The following GRM1 variants were observed in gnomAD, a reference collection of about 807,000 sequenced individuals.
The protein encoded by GRM1 is metabotropic glutamate receptor 1.
A neutral mutation model predicts 90.9 loss-of-function variants in GRM1; 33 were observed. That is an observed-to-expected ratio of 0.36 (90% confidence interval 0.28 to 0.49). The LOEUF is 0.49. Among genes scored for constraint, GRM1 ranks in the 20% least tolerant of loss-of-function variants. GRM1 has a pLI of 0.99. For synonymous variants in GRM1, 700 were observed against 613.2 expected (o/e 1.14, Z -2.09); for missense variants, 1,190 against 1,534.3 (o/e 0.78, Z 3.75).
chr6:146,249,542 G>A (rs1781198427), intron 2 of GRM1, among the ~76,000 whole-genome samples: 1 of 152,126 alleles, frequency 6.6e-6, no homozygotes, highest in Non-Finnish European at 1.5e-5. Context: ...CATGAATTGT[G>A]GTTTGGGAAC....
In GRM1 at chr6:146,186,981, C is replaced by A. The variant is rs542604901; in HGVS notation, c.950+27384C>A. On this transcript the variant is annotated intron_variant, in intron 2 of 7. Coordinates refer to ENST00000282753, the MANE Select transcript of GRM1 (RefSeq NM_001278064.2). Reference sequence around the variant, plus strand: ...AATAACAAATGTCAGTTATATTTACCTTTTATTGGTCAAAGAAAGTCACAT... The same window carrying A: ...AATAACAAATGTCAGTTATATTTACATTTTATTGGTCAAAGAAAGTCACAT... Among the ~76,000 whole-genome samples, 5 of 152,188 alleles carry A rather than the reference C, an allele frequency of 3.3e-5. No homozygotes were observed. The East Asian group carries it at 7.7e-4, about 24-fold the overall frequency.
At chr6:146,133,494 GA>G (rs1776485305) in intron 1 of GRM1, among the ~76,000 whole-genome samples, 1 of 152,078 alleles carries the variant, frequency 6.6e-6, no homozygotes, top group Non-Finnish European at 1.5e-5. Flanking sequence ...GGTTCTTTGT[GA>G]ACTATTCCTT....
At chr6:146,304,533 C>A in intron 2 of GRM1, 78 bp from the exon 3 acceptor site, 1 of 1,002,138 alleles carries the variant, frequency 1.0e-6, no homozygotes, top group Non-Finnish European at 1.6e-6. Context: ...TGGATTGCTT[C>A]ATTCATATAT....
At chr6:146,379,625 T>G (rs1433666396) in intron 5 of GRM1, among the ~76,000 whole-genome samples, 1 of 152,146 alleles carries the variant, frequency 6.6e-6, no homozygotes, top group East Asian at 1.9e-4. Flanking sequence ...TGGATGGTGT[T>G]GATGCTAGTA....
intron 2 of GRM1, among the ~76,000 whole-genome samples, chr6:146,272,038 G>A (rs1256689786): frequency 6.6e-6 from 1 of 152,128 alleles, no homozygotes; most frequent in African/African-American, 2.4e-5. Context: ...AGTGTTTTCA[G>A]TGTTCCAAGA....
chr6:146,083,273 A>G (rs1776427030), intron 1 of GRM1, among the ~76,000 whole-genome samples: 1 of 152,066 alleles, frequency 6.6e-6, no homozygotes, highest in Non-Finnish European at 1.5e-5. Flanking sequence ...TACTATGTTG[A>G]ATAGGAGTGG....
At chr6:146,250,966 T>C (rs1266299472) in intron 2 of GRM1, among the ~76,000 whole-genome samples, 1 of 152,212 alleles carries the variant, frequency 6.6e-6, no homozygotes, top group Non-Finnish European at 1.5e-5. Context: ...GCAAGACAAA[T>C]GTCTTAAAGA....
chr6:146,340,526 C>A (rs192041739), intron 3 of GRM1: 100 of 152,218 alleles, frequency 6.6e-4, no homozygotes, highest in African/African-American at 2.2e-3. Flanking sequence ...AGCATGGGAC[C>A]AAAGCCATAT....
At chr6:146,426,884 G>T (rs140590573) in intron 7 of GRM1, among the ~76,000 whole-genome samples, 25 of 150,504 alleles carry the variant, frequency 1.7e-4, no homozygotes, top group African/African-American at 5.4e-4. Flanking sequence ...TTTTTTTTCT[G>T]ATTCTGGAGA....
chr6:146,292,721 G>A (rs759683891), intron 2 of GRM1, among the ~76,000 whole-genome samples: 1 of 151,828 alleles, frequency 6.6e-6, no homozygotes, highest in Non-Finnish European at 1.5e-5. Flanking sequence ...TTCCAAAAAA[G>A]CTAAACATAG....
rs529819334 is a variant in GRM1, at chr6:146,051,137, A to G, written c.700+20920A>G. Among the ~76,000 whole-genome samples, 113 of 152,194 alleles carry G rather than the reference A, an allele frequency of 7.4e-4. No individual in the cohort carries two copies. The South Asian group carries it at 9.7e-3, about 13-fold the overall frequency. ...CACATCTGCTTTCTTACCCTATCTT[A>G]GAGCCGTGTGACTTTAGGTGAGTCA... is the stretch of plus-strand genomic sequence containing the variant. On this transcript the variant is annotated intron_variant, in intron 1 of 7. Transcript: ENST00000282753.
Position 146,260,694 on chromosome 6 carries a change from A to T in GRM1, c.951-43917A>T, listed in dbSNP as rs1229255065. Among the ~76,000 whole-genome samples, 3 of 149,722 alleles carry T rather than the reference A, an allele frequency of 2.0e-5. No homozygotes were observed. In the East Asian group the frequency reaches 6.0e-4, roughly 30 times the overall value. ...GTATCTCATCTCCGTTTTGATTTGCATTTCCCTGATGATTAATGAGCAGCT... is the reference window on the plus strand; with the variant it reads ...GTATCTCATCTCCGTTTTGATTTGCTTTTCCCTGATGATTAATGAGCAGCT... On this transcript the variant is annotated intron_variant, in intron 2 of 7. Coordinates refer to ENST00000282753, the MANE Select transcript of GRM1 (RefSeq NM_001278064.2).
intron 5 of GRM1, among the ~76,000 whole-genome samples, chr6:146,381,204 G>C (rs1252378318): frequency 6.6e-6 from 1 of 152,154 alleles, no homozygotes; most frequent in African/African-American, 2.4e-5. Context: ...TCACCTAAAA[G>C]TTCCAATCCT....
chr6:146,214,975 A>G (rs1779819312), intron 2 of GRM1, among the ~76,000 whole-genome samples: 1 of 152,182 alleles, frequency 6.6e-6, no homozygotes, highest in Non-Finnish European at 1.5e-5. Context: ...CTTGCTCTGA[A>G]AGGATATTCT....
intron 2 of GRM1, among the ~76,000 whole-genome samples, chr6:146,185,026 C>T (rs1044319577): frequency 6.6e-6 from 1 of 152,144 alleles, no homozygotes; most frequent in Admixed American, 6.5e-5. Flanking sequence ...AATATCTGGT[C>T]AACAAAAGGT....
At chr6:146,048,384 G>A (rs927510107) in intron 1 of GRM1, among the ~76,000 whole-genome samples, 37 of 151,998 alleles carry the variant, frequency 2.4e-4, no homozygotes, top group African/African-American at 8.9e-4. Flanking sequence ...TGGCACAAGT[G>A]TAATACTTAA....
intron 5 of GRM1, among the ~76,000 whole-genome samples, chr6:146,379,871 T>C (rs1417524580): frequency 3.3e-5 from 5 of 152,072 alleles, no homozygotes; most frequent in African/African-American, 1.2e-4. Flanking sequence ...AGGACAAGTC[T>C]CTGGGTTACC....
chr6:146,421,011 A>T (rs1389286378), intron 7 of GRM1, among the ~76,000 whole-genome samples: 1 of 152,166 alleles, frequency 6.6e-6, no homozygotes, highest in South Asian at 2.1e-4. Flanking sequence ...TATCTTTGAA[A>T]ATTGCCATAA....
intron 1 of GRM1, among the ~76,000 whole-genome samples, chr6:146,076,332 T>A (rs1386387071): frequency 2.0e-5 from 3 of 152,184 alleles, no homozygotes; most frequent in Non-Finnish European, 2.9e-5. Flanking sequence ...AATGCTTCAC[T>A]CTGTCAGCCG....
Sources: allele counts gnomAD v4.1 joint callset (sites outside exome capture counted in the v4.1 genomes callset), GRCh38; gene constraint gnomAD v4.1.1; transcripts MANE v1.5; gene names NCBI Gene and HGNC (gene_info 2026-07-23, HGNC 2026-07-21).